MYT1L: variants seen among roughly 807,000 people sequenced by gnomAD.
MYT1L encodes myelin transcription factor 1-like protein.
MYT1L carries 12 observed loss-of-function variants against 126.7 expected under a neutral mutation model. The ratio of observed to expected loss-of-function variants is 0.09; its 90% CI spans 0.06 to 0.15. The LOEUF is 0.15. Among genes scored for constraint, MYT1L ranks in the 10% least tolerant of loss-of-function variants. The pLI, the probability that MYT1L is intolerant of heterozygous loss-of-function variation, is 1.00. For synonymous variants in MYT1L, 541 were observed against 604.2 expected (o/e 0.90, Z 1.53); for missense variants, 979 against 1,585.2 (o/e 0.62, Z 6.49).
intron 21 of MYT1L, among the ~76,000 whole-genome samples, chr2:1,820,357 T>C (rs917694739): frequency 9.9e-5 from 15 of 152,184 alleles, no homozygotes; most frequent in African/African-American, 3.6e-4. Context: ...GTCCCTCTCT[T>C]TCTCTGTATC....
chr2:1,815,891 G>C (rs1402032533), intron 21 of MYT1L, among the ~76,000 whole-genome samples: 1 of 152,210 alleles, frequency 6.6e-6, no homozygotes, highest in African/African-American at 2.4e-5. Context: ...AGGCATCCAG[G>C]TGAGAGGCAC....
At chr2:2,179,423 T>C (rs1480439291) in intron 2 of MYT1L, among the ~76,000 whole-genome samples, 1 of 152,202 alleles carries the variant, frequency 6.6e-6, no homozygotes, top group East Asian at 1.9e-4. Context: ...TCCTCCTCCC[T>C]TCACGCTGAG....
intron 2 of MYT1L, among the ~76,000 whole-genome samples, chr2:2,232,628 A>T (rs1392110592): frequency 6.6e-6 from 1 of 152,068 alleles, no homozygotes; most frequent in African/African-American, 2.4e-5. Flanking sequence ...AGGAAGGAAA[A>T]CTCATTCATT....
chr2:1,964,496 G>A (rs892771930), intron 8 of MYT1L, among the ~76,000 whole-genome samples: 2 of 152,140 alleles, frequency 1.3e-5, no homozygotes, highest in African/African-American at 4.8e-5. Flanking sequence ...ATAAAGCAAC[G>A]TGCAATAAAC....
chr2:1,943,370 G>A lies in MYT1L; in HGVS notation c.153-36C>T, dbSNP rs866768521. On this transcript the variant is annotated intron_variant, in intron 8 of 24. Transcript: ENST00000647738. The surrounding 1 kb of genome is among the most constrained non-coding windows in gnomAD (Gnocchi z 4.4). The stretch of plus-strand genomic sequence containing the variant: ...AAATAGAGAAGGCAGGGGAGAGAGA[G>A]AAAAAAAATATCTGTGTTACTGTCT... 14 of 1,488,492 alleles carry A rather than the reference G, an allele frequency of 9.4e-6. No homozygotes were observed. In the Admixed American group the frequency reaches 1.8e-4, roughly 19 times the overall value. 92.2% of individuals were successfully genotyped at this position (1,488,492 alleles called of 1,614,324 possible).
intron 18 of MYT1L, among the ~76,000 whole-genome samples, chr2:1,872,007 G>T (rs556302891): frequency 1.6e-4 from 25 of 152,264 alleles, no homozygotes; most frequent in African/African-American, 5.5e-4. Context: ...GGAGCACCTC[G>T]CATTGTACTT....
intron 21 of MYT1L, among the ~76,000 whole-genome samples, chr2:1,826,584 T>C (rs1334378089): frequency 1.3e-5 from 2 of 152,138 alleles, no homozygotes; most frequent in Non-Finnish European, 2.9e-5. Context: ...CCCTCCCAAT[T>C]GCTTCCCGTC....
intron 1 of MYT1L, among the ~76,000 whole-genome samples, chr2:2,321,960 C>T (rs777317174): frequency 6.1e-4 from 93 of 152,228 alleles, no homozygotes; most frequent in Middle Eastern, 3.4e-3. Flanking sequence ...TTACATGGCA[C>T]ACATACTAAC....
At chr2:2,121,578 C>G (rs1476637665) in intron 3 of MYT1L, among the ~76,000 whole-genome samples, 1 of 152,008 alleles carries the variant, frequency 6.6e-6, no homozygotes, top group Non-Finnish European at 1.5e-5. Context: ...CCTCCGCCTT[C>G]CGGGTTCAAG....
intron 18 of MYT1L, among the ~76,000 whole-genome samples, chr2:1,879,697 C>A (rs1164331285): frequency 1.3e-5 from 2 of 151,990 alleles, no homozygotes; most frequent in Non-Finnish European, 1.5e-5. Flanking sequence ...AACTTCAGTA[C>A]TTACAATTAT....
chr2:1,988,721 C>T (rs116787610), intron 5 of MYT1L, among the ~76,000 whole-genome samples: 2,255 of 152,332 alleles, frequency 0.015, 16 homozygotes, highest in South Asian at 0.035. Flanking sequence ...GAACCTTTTA[C>T]AGAGCTTGGT....
In MYT1L at chr2:1,943,453, T is replaced by C. The variant is rs1168230465; in HGVS notation, c.153-119A>G. The C allele has an allele frequency of 3.4e-6, 4 of 1,174,998 alleles. No homozygotes were observed. The highest frequency in any genetic ancestry group is 4.6e-6 in the Non-Finnish European group (4 of 865,378). 72.8% of individuals were successfully genotyped at this position (1,174,998 alleles called of 1,614,324 possible). On this transcript the variant is annotated intron_variant, in intron 8 of 24. Transcript: ENST00000647738. This position sits in a 1 kb window ranked among gnomAD's most constrained non-coding sequence, Gnocchi z 4.4. Reference sequence around the variant, plus strand: ...GGTACTTAAAGGCTTATCATGAATGTCATCAGCACAAACACCAGAGAGACA... The same window carrying C: ...GGTACTTAAAGGCTTATCATGAATGCCATCAGCACAAACACCAGAGAGACA...
intron 4 of MYT1L, among the ~76,000 whole-genome samples, chr2:2,038,785 C>G (rs1410237880): frequency 6.6e-6 from 1 of 152,092 alleles, no homozygotes; most frequent in Non-Finnish European, 1.5e-5. Context: ...CTCACACACC[C>G]TCTTCCCTGC....
At chr2:2,006,733 GC>G (rs2063363743) in intron 4 of MYT1L, among the ~76,000 whole-genome samples, 1 of 151,820 alleles carries the variant, frequency 6.6e-6, no homozygotes, top group East Asian at 1.9e-4. Context: ...ACATCACCAT[GC>G]CCGGCTAATT....
chr2:2,198,584 C>G (rs75963094), intron 2 of MYT1L, among the ~76,000 whole-genome samples: 2 of 150,448 alleles, frequency 1.3e-5, no homozygotes, highest in African/African-American at 4.9e-5. Flanking sequence ...TTAGGCAGGG[C>G]GGGGTGGCTC....
In MYT1L at chr2:1,848,294, G is replaced by A. The variant is rs2042767468; in HGVS notation, c.2774+3347C>T. Among the ~76,000 whole-genome samples the A allele has an allele frequency of 2.0e-5, 1 of 50,652 alleles. No individual in the cohort carries two copies. Among genetic ancestry groups the A allele is most frequent in the Non-Finnish European group, 3.6e-5 (1 of 27,602 alleles). 33.2% of individuals were successfully genotyped at this position (50,652 alleles called of 152,430 possible). A position where few individuals can be genotyped will look rare whatever the true frequency, so the allele number is the denominator to read the frequency against. Reference sequence around the variant, plus strand: ...AATTCTACAGACACCACGGAAGCGCGAGGCATTTGTCCTGGGAGCAGGAGG... The same window carrying A: ...AATTCTACAGACACCACGGAAGCGCAAGGCATTTGTCCTGGGAGCAGGAGG... On this transcript the variant is annotated intron_variant, in intron 19 of 24. Coordinates refer to ENST00000647738, the MANE Select transcript of MYT1L (RefSeq NM_001303052.2). The surrounding 1 kb of genome is among the most constrained non-coding windows in gnomAD (Gnocchi z 4.8).
intron 3 of MYT1L, among the ~76,000 whole-genome samples, chr2:2,056,067 C>G (rs1261557554): frequency 1.3e-5 from 2 of 152,186 alleles, no homozygotes; most frequent in Non-Finnish European, 2.9e-5. Flanking sequence ...TGATAAGTAT[C>G]TACAAAACAG....
At chr2:1,964,253 T>C (rs2059167432) in intron 8 of MYT1L, among the ~76,000 whole-genome samples, 1 of 152,192 alleles carries the variant, frequency 6.6e-6, no homozygotes, top group African/African-American at 2.4e-5. Context: ...ACGGGCGCGG[T>C]TCCTGGTGTC....
intron 4 of MYT1L, among the ~76,000 whole-genome samples, chr2:2,009,836 G>T (rs1362327282): frequency 3.3e-5 from 5 of 151,180 alleles, no homozygotes; most frequent in African/African-American, 1.2e-4. Context: ...ATTAGCTGCA[G>T]GTTTTACATG....
Sources: gnomAD v4.1 joint callset for allele counts (sites outside exome capture counted in the v4.1 genomes callset) on GRCh38, gnomAD v4.1.1 for gene constraint, Gnocchi (gnomAD v3.1) non-coding constraint, MANE v1.5 for transcripts, NCBI Gene and HGNC (gene_info 2026-07-23, HGNC 2026-07-21) for gene names.